Variants in KANK2 observed in about 807,000 individuals in gnomAD.
KANK2 encodes KN motif and ankyrin repeat domain-containing protein 2.
KANK2 carries 41 observed loss-of-function variants against 74.6 expected under a neutral mutation model. The observed-to-expected ratio is 0.55, with a 90% CI of 0.43 to 0.71. The LOEUF is 0.71. KANK2 is among the 30% of genes least tolerant of loss of function. The pLI is 0.00. For synonymous variants in KANK2, 537 were observed against 519.0 expected, an observed-to-expected ratio of 1.03 and a Z score of -0.47; for missense variants, 1,148 against 1,196.4, an observed-to-expected ratio of 0.96 and a Z score of 0.60.
At chr19:11,183,967 C>T (rs2078602944) in intron 4 of KANK2, among the ~76,000 whole-genome samples, 2 of 152,116 alleles carry the variant, frequency 1.3e-5, no homozygotes, top group Admixed American at 6.6e-5. Context: ...AGCAATTTTC[C>T]CACCAAAGTG....
In KANK2 at chr19:11,170,891, G is replaced by A. The variant is rs367712623; in HGVS notation, c.2212-643C>T. On this transcript the variant is annotated intron_variant, in intron 10 of 12. Coordinates refer to ENST00000586659, the MANE Select transcript of KANK2 (RefSeq NM_001136191.3). The surrounding 1 kb of genome is among the most constrained non-coding windows in gnomAD (Gnocchi z 5.2). ...GGCTGGAGTGCAGTGGCGCAATCTC[G>A]GCTCACTGCAACCTCCACCTCCTGG... 2.0e-5 allele frequency among the ~76,000 whole-genome samples: 3 copies of A among 152,000 alleles called. No individual in the cohort carries two copies. The highest frequency in any genetic ancestry group is 6.6e-5 in the Admixed American group (1 of 15,260).
At chr19:11,192,183 C>A (rs1330509612) in intron 4 of KANK2, among the ~76,000 whole-genome samples, 1 of 152,162 alleles carries the variant, frequency 6.6e-6, no homozygotes, top group African/African-American at 2.4e-5. Flanking sequence ...TTGATTCCTG[C>A]CACTTACTGA....
intron 3 of KANK2, 76 bp from the exon 4 acceptor site, chr19:11,194,118 G>C: frequency 1.4e-6 from 2 of 1,465,724 alleles, no homozygotes; most frequent in Non-Finnish European, 9.1e-7. Flanking sequence ...TGCCTGGGGA[G>C]AGTTGGGGTT....
intron 4 of KANK2, among the ~76,000 whole-genome samples, chr19:11,183,492 TCATTC>T (rs1239272964): frequency 6.6e-6 from 1 of 152,138 alleles, no homozygotes; most frequent in Non-Finnish European, 1.5e-5. Context: ...ATTCATTCAT[TCATTC>T]ATTCATCCAG....
At chr19:11,173,521 G>A (rs903246394) in intron 9 of KANK2, among the ~76,000 whole-genome samples, 2 of 152,150 alleles carry the variant, frequency 1.3e-5, no homozygotes, top group Non-Finnish European at 2.9e-5. Flanking sequence ...CTTACTAACT[G>A]AGGACCACGT....
intron 4 of KANK2, among the ~76,000 whole-genome samples, chr19:11,179,954 G>A (rs572220344): frequency 1.1e-4 from 16 of 152,314 alleles, no homozygotes; most frequent in East Asian, 1.9e-4. Context: ...TGTGCCTCCC[G>A]GATTCAAGTG....
rs189553483 is a variant in KANK2 at position 11,184,288 on chromosome 19, A to G, written c.1250-5568T>C. Among the ~76,000 whole-genome samples, 65 of 150,138 alleles carry G rather than the reference A, an allele frequency of 4.3e-4. 5 individuals carry two copies. Among genetic ancestry groups the G allele is most frequent in the African/African-American group, 1.4e-3 (59 of 40,876 alleles). On this transcript the variant is annotated intron_variant, in intron 4 of 12. Coordinates refer to ENST00000586659, the MANE Select transcript of KANK2 (RefSeq NM_001136191.3). ...CTACTCGGGAGGATGAGGCAGGAGAATTGCTTGAACCTGGGAGGCAGAGGT... is the reference window on the plus strand; with the variant it reads ...CTACTCGGGAGGATGAGGCAGGAGAGTTGCTTGAACCTGGGAGGCAGAGGT...
chr19:11,194,016 C>T lies in KANK2; in HGVS notation c.64G>A (p.Ala22Thr), dbSNP rs2078943262. ...PGTPGPASPP[A>T]FPAKDPDPPY... ...GGATCGGGGTCCTTGGCAGGGAAGGCAGGTGGGGAGGCTGGGCCAGGGGTC... is the reference window on the plus strand; with the variant it reads ...GGATCGGGGTCCTTGGCAGGGAAGGTAGGTGGGGAGGCTGGGCCAGGGGTC... Residue 22 changes from alanine to threonine, a missense_variant, in exon 4 of 13, where the codon GCC becomes ACC. Physicochemically the swap from Ala to Thr is moderately conservative, Grantham distance 58 (BLOSUM62 0). Coordinates refer to ENST00000586659, the MANE Select transcript of KANK2 (RefSeq NM_001136191.3). 1 of 1,610,554 alleles carries T rather than the reference C, an allele frequency of 6.2e-7. No homozygotes were observed. Among genetic ancestry groups the T allele is most frequent in the Admixed American group, 1.7e-5 (1 of 59,688 alleles).
intron 6 of KANK2, 126 bp downstream of exon 6, chr19:11,178,219 T>C (rs2078400462): frequency 3.7e-6 from 3 of 821,698 alleles, no homozygotes; most frequent in East Asian, 6.8e-5. Flanking sequence ...CTCTGTGTTG[T>C]GGTTTGATTA....
chr19:11,192,528 T>G (rs1392907521), intron 4 of KANK2: 2 of 353,846 alleles, frequency 5.7e-6, no homozygotes, highest in Non-Finnish European at 1.1e-5. Flanking sequence ...TCCGCTTCCC[T>G]AGTTCAAGCG....
chr19:11,192,786 C>A (rs772340018), intron 4 of KANK2, 45 bp downstream of exon 4: 56 of 1,552,412 alleles, frequency 3.6e-5, no homozygotes, highest in Non-Finnish European at 4.6e-5. Flanking sequence ...GAAAGAGGCC[C>A]CCCCCCCCCA....
At position 11,172,969 on chromosome 19, in the gene KANK2, G is replaced by A. The variant is rs769618777; in HGVS notation, c.2211+12C>T. ...GAGCCACCTGGATCTGCAGCAGCCGGGGTCCCCATACCTGGCTGGCTTTGG... is the reference window on the plus strand; with the variant it reads ...GAGCCACCTGGATCTGCAGCAGCCGAGGTCCCCATACCTGGCTGGCTTTGG... On this transcript the variant is annotated intron_variant, in intron 10 of 12. Coordinates refer to ENST00000586659, the MANE Select transcript of KANK2 (RefSeq NM_001136191.3). 2.5e-6 allele frequency: 4 copies of A among 1,611,020 alleles called. No homozygotes were observed. The highest frequency in any genetic ancestry group is 2.5e-6 in the Non-Finnish European group (3 of 1,178,478).
In KANK2 at chr19:11,166,027, C is replaced by T. The variant is rs1363804752; in HGVS notation, c.*531G>A. 1 of 152,780 alleles carries T rather than the reference C, an allele frequency of 6.5e-6. No homozygotes were observed. The highest frequency in any genetic ancestry group is 1.5e-5 in the Non-Finnish European group (1 of 68,282). The allele number at this position is 152,780 out of a possible 1,614,324, so 9.5% of individuals were successfully genotyped here. A position where few individuals can be genotyped will look rare whatever the true frequency, so the allele number is the denominator to read the frequency against. ...CCCCTAAGAAAGCCGTCTAGCGGGGCAGTGGACACAACACTATTCTATATC... is the reference window on the plus strand; with the variant it reads ...CCCCTAAGAAAGCCGTCTAGCGGGGTAGTGGACACAACACTATTCTATATC... On this transcript the variant is annotated 3_prime_UTR_variant, in exon 13 of 13. Transcript: ENST00000586659.
In KANK2 at chr19:11,195,830, A is replaced by G. The variant is rs1188193257; in HGVS notation, c.-278-10T>C. On this transcript the variant is annotated splice_polypyrimidine_tract_variant and intron_variant, in intron 1 of 12. Coordinates refer to ENST00000586659, the MANE Select transcript of KANK2 (RefSeq NM_001136191.3). ...CTCTGTCTTTCAACACCTGGAACAC[A>G]TGGTCACCAATTGCAGGAAATTCCG... 1.3e-5 allele frequency: 2 copies of G among 152,044 alleles called. No individual in the cohort carries two copies. Among genetic ancestry groups the G allele is most frequent in the Non-Finnish European group, 2.9e-5 (2 of 68,036 alleles). 9.4% of individuals were successfully genotyped at this position (152,044 alleles called of 1,614,324 possible).
chr19:11,179,234 T>C (rs1305381142), intron 4 of KANK2, among the ~76,000 whole-genome samples: 1 of 150,996 alleles, frequency 6.6e-6, no homozygotes, highest in African/African-American at 2.4e-5. Context: ...GAGAATTGCT[T>C]GAACCCGGGA....
chr19:11,188,425 G>C (rs1231791204), intron 4 of KANK2, among the ~76,000 whole-genome samples: 3 of 151,596 alleles, frequency 2.0e-5, no homozygotes, highest in Admixed American at 2.0e-4. Context: ...AGCTGGTCTC[G>C]AGCTCCTGAC....
At chr19:11,172,480 C>A (rs1237605174) in intron 10 of KANK2, among the ~76,000 whole-genome samples, 2 of 152,204 alleles carry the variant, frequency 1.3e-5, no homozygotes, top group East Asian at 3.9e-4. Context: ...GCCCAGACAC[C>A]TGTTCATAAG....
chr19:11,180,411 T>G (rs1600814808), intron 4 of KANK2, among the ~76,000 whole-genome samples: 1 of 152,046 alleles, frequency 6.6e-6, no homozygotes, highest in East Asian at 1.9e-4. Context: ...TTTTTTTTTT[T>G]GCCATATACA....
rs745889192 is a variant in KANK2 at position 11,176,009 on chromosome 19, C to A, written c.1761-20G>T. 32 of 1,604,476 alleles carry A rather than the reference C, an allele frequency of 2.0e-5. No individual in the cohort carries two copies. The Admixed American group carries it at 5.4e-4, about 27-fold the overall frequency. ...TCCATCCTGCCAGGAACAGACAAAG[C>A]GGGGAACTAAGTAAGCCCCGCTGCG... On this transcript the variant is annotated intron_variant, in intron 7 of 12. Transcript: ENST00000586659.
Sources: allele counts gnomAD v4.1 joint callset (sites outside exome capture counted in the v4.1 genomes callset), GRCh38; gene constraint gnomAD v4.1.1; non-coding constraint Gnocchi (gnomAD v3.1); transcripts MANE v1.5; gene names NCBI Gene and HGNC (gene_info 2026-07-23, HGNC 2026-07-21).